MS4A1: variants seen among roughly 807,000 people sequenced by gnomAD.
MS4A1 encodes the protein membrane spanning 4-domains A1.
A neutral mutation model predicts 26.5 loss-of-function variants in MS4A1; 16 were observed. The observed-to-expected ratio is 0.60, with a 90% CI of 0.41 to 0.92. The LOEUF (loss-of-function observed/expected upper bound fraction) is 0.92. Among genes scored for constraint, MS4A1 ranks in the 40% least tolerant of loss-of-function variants. The pLI, the probability that MS4A1 is intolerant of heterozygous loss-of-function variation, is 0.00. For missense variants in MS4A1, 350 were observed against 353.0 expected (o/e 0.99, Z 0.07); for synonymous variants, 128 against 117.6 (o/e 1.09, Z -0.57).
chr11:60,466,524 C>T, intron 6 of MS4A1: 1 of 328,912 alleles, frequency 3.0e-6, no homozygotes, highest in Non-Finnish European at 5.7e-6. Flanking sequence ...AGAAGAAATT[C>T]CTAAGATGTT....
At chr11:60,466,272 G>T in intron 6 of MS4A1, 115 bp downstream of exon 6, 1 of 881,968 alleles carries the variant, frequency 1.1e-6, no homozygotes, top group South Asian at 1.3e-5. Flanking sequence ...GTTACTGTCT[G>T]TGTGGCTTTG....
intron 2 of MS4A1, among the ~76,000 whole-genome samples, chr11:60,461,701 G>A (rs2086249526): frequency 6.6e-6 from 1 of 151,616 alleles, no homozygotes; most frequent in Admixed American, 6.7e-5. Context: ...TGTATTTGTA[G>A]TAGAGATGGG....
chr11:60,462,441 A>G lies in MS4A1; in HGVS notation c.67A>G (p.Met23Val), dbSNP rs1204983091. Residue 23 changes from methionine to valine, a missense_variant, in exon 3 of 8, where the codon ATG (methionine) becomes GTG (valine). By Grantham distance (21) the Met-to-Val change is conservative (BLOSUM62 1). Coordinates refer to ENST00000345732, the MANE Select transcript of MS4A1 (RefSeq NM_152866.3). ...AGAGCCAATGAAAGGCCCTATTGCT[A>G]TGCAATCTGGTCCAAAACCACTCTT... ...PAEPMKGPIA[M>V]QSGPKPLFRR... The G allele has an allele frequency of 2.5e-6, 4 of 1,614,100 alleles. No individual in the cohort carries two copies. Among genetic ancestry groups the G allele is most frequent in the Non-Finnish European group, 3.4e-6 (4 of 1,180,040 alleles).
intron 1 of MS4A1, among the ~76,000 whole-genome samples, chr11:60,460,227 C>A (rs1471651113): frequency 6.6e-6 from 1 of 152,130 alleles, no homozygotes; most frequent in Non-Finnish European, 1.5e-5. Flanking sequence ...GCCTGGGCGA[C>A]AGAGCGAGGC....
At chr11:60,460,949 G>T (rs1336063206) in intron 1 of MS4A1, 123 bp from the exon 2 acceptor site, 1 of 151,814 alleles carries the variant, frequency 6.6e-6, no homozygotes, top group Admixed American at 6.7e-5. Context: ...CTAATGCTCA[G>T]CAAAGTACAA....
chr11:60,460,955 T>C (rs1256375446), intron 1 of MS4A1, 117 bp from the exon 2 acceptor site: 1 of 151,872 alleles, frequency 6.6e-6, no homozygotes, highest in Non-Finnish European at 1.5e-5. Context: ...CTCAGCAAAG[T>C]ACAAAGAACA....
rs1347717186 is a variant in MS4A1 at position 60,468,487 on chromosome 11, T to G, written c.*19T>G. 1.2e-6 allele frequency: 2 copies of G among 1,610,408 alleles called. No individual in the cohort carries two copies. The highest frequency in any genetic ancestry group is 1.7e-6 in the Non-Finnish European group (2 of 1,176,904). On this transcript the variant is annotated 3_prime_UTR_variant, in exon 8 of 8. Transcript: ENST00000345732. ...TCCTTAAGTGATTTCTTCTGTTTTCTGTTTCCTTTTTTAAACATTAGTGTT... is the reference window on the plus strand; with the variant it reads ...TCCTTAAGTGATTTCTTCTGTTTTCGGTTTCCTTTTTTAAACATTAGTGTT...
chr11:60,462,909 C>A, intron 3 of MS4A1, 93 bp from the exon 4 acceptor site: 1 of 1,582,800 alleles, frequency 6.3e-7, no homozygotes, highest in South Asian at 1.1e-5. Flanking sequence ...TTCCTCACAG[C>A]TCCAAGTCAG....
chr11:60,462,472 G>T lies in MS4A1; in HGVS notation c.98G>T (p.Arg33Met), dbSNP rs747239876. ...MQSGPKPLFR[R>M]MSSLVGPTQS... is the part of the protein sequence containing the mutation. ...TCTGGTCCAAAACCACTCTTCAGGA[G>T]GATGTCTTCACTGGTGGGCCCCACG... The change falls in exon 3 of 8, where the codon AGG becomes ATG. Residue 33 changes from arginine to methionine, a missense_variant. Physicochemically the swap from Arg to Met is moderately conservative, Grantham distance 91. Transcript: ENST00000345732. 6.2e-7 allele frequency: 1 copy of T among 1,614,204 alleles called. No individual in the cohort carries two copies. Among genetic ancestry groups the T allele is most frequent in the Admixed American group, 1.7e-5 (1 of 60,022 alleles).
rs201555882 is a variant in MS4A1 at position 60,470,351 on chromosome 11, A to G, written c.*1883A>G. 46 of 151,986 alleles carry G rather than the reference A, an allele frequency of 3.0e-4. No homozygotes were observed. The highest frequency in any genetic ancestry group is 1.1e-3 in the African/African-American group (45 of 41,426). The allele number at this position is 151,986 out of a possible 1,614,324, so 9.4% of individuals were successfully genotyped here. A position where few individuals can be genotyped will look rare whatever the true frequency, so the allele number is the denominator to read the frequency against. On this transcript the variant is annotated 3_prime_UTR_variant, in exon 8 of 8. Coordinates refer to ENST00000345732, the MANE Select transcript of MS4A1 (RefSeq NM_152866.3). The stretch of plus-strand genomic sequence containing the variant: ...GGAGCAGGCCTGAGAAAAAAATGAA[A>G]GTCAGAAATCTTTAAAAAAATACAA...
chr11:60,463,206 G>A, intron 4 of MS4A1, 85 bp downstream of exon 4: 1 of 1,567,680 alleles, frequency 6.4e-7, no homozygotes, highest in Non-Finnish European at 8.8e-7. Context: ...GATTATTTCT[G>A]TGTTGAGGGA....
intron 6 of MS4A1, chr11:60,466,752 C>G (rs1408909840): frequency 1.7e-6 from 1 of 601,246 alleles, no homozygotes; most frequent in Non-Finnish European, 3.0e-6. Flanking sequence ...ACACATTAAC[C>G]ATCTGTTGTG....
intron 4 of MS4A1, 129 bp from the exon 5 acceptor site, chr11:60,464,159 G>A: frequency 5.7e-6 from 4 of 698,030 alleles, no homozygotes; most frequent in Non-Finnish European, 5.2e-6. Flanking sequence ...GTGGATGGTT[G>A]TGTGAAAGTT....
intron 2 of MS4A1, 47 bp downstream of exon 2, chr11:60,461,207 T>C (rs778850856): frequency 6.6e-6 from 1 of 151,712 alleles, no homozygotes; most frequent in Non-Finnish European, 1.5e-5. Flanking sequence ...AAGATAGGAT[T>C]TTGTAAAAGA....
chr11:60,460,775 T>C lies in MS4A1; in HGVS notation c.-279-297T>C, dbSNP rs543508832. 2.7e-5 allele frequency among the ~76,000 whole-genome samples: 4 copies of C among 149,278 alleles called. No individual in the cohort carries two copies. The East Asian group carries it at 8.3e-4, about 31-fold the overall frequency. ...AATGTCTGAGCTGGAAAGGGCCGTATTAATTGCCTTCTCACTTCAGAAATG... is the reference window on the plus strand; with the variant it reads ...AATGTCTGAGCTGGAAAGGGCCGTACTAATTGCCTTCTCACTTCAGAAATG... On this transcript the variant is annotated intron_variant, in intron 1 of 7. Coordinates refer to ENST00000345732, the MANE Select transcript of MS4A1 (RefSeq NM_152866.3).
intron 5 of MS4A1, 120 bp downstream of exon 5, chr11:60,464,464 C>G: frequency 1.2e-6 from 1 of 815,542 alleles, no homozygotes. Context: ...AAAGCAAAGA[C>G]CCTCCACAAT....
chr11:60,464,438 A>G, intron 5 of MS4A1, 94 bp downstream of exon 5: 1 of 1,055,892 alleles, frequency 9.5e-7, no homozygotes, highest in Non-Finnish European at 1.5e-6. Context: ...AAGGTATCAC[A>G]GCCTCTCAGC....
intron 3 of MS4A1, among the ~76,000 whole-genome samples, 174 bp from the exon 4 acceptor site, chr11:60,462,828 T>C (rs527448497): frequency 5.7e-4 from 87 of 152,294 alleles, no homozygotes; most frequent in South Asian, 3.3e-3. Context: ...AAATGCCCCA[T>C]GTGGTTGAGG....
chr11:60,463,115 C>T lies in MS4A1; in HGVS notation c.273C>T (p.Gly91=). The part of the protein sequence containing the change: ...CVTVWYPLWG[G]IMYIISGSLL... ...CTGTGTGGTACCCTCTCTGGGGAGG[C>T]ATTATGGTGAGTAAAAGAATAGCAG... The change falls in exon 4 of 8, where the codon GGC becomes GGT. Residue 91 remains glycine (G), a synonymous_variant. Transcript: ENST00000345732. 12 of 1,614,092 alleles carry T rather than the reference C, an allele frequency of 7.4e-6. No individual in the cohort carries two copies. Among genetic ancestry groups the T allele is most frequent in the Non-Finnish European group, 1.0e-5 (12 of 1,180,024 alleles).
Sources: allele counts gnomAD v4.1 joint callset (sites outside exome capture counted in the v4.1 genomes callset), GRCh38; gene constraint gnomAD v4.1.1; transcripts MANE v1.5; gene names NCBI Gene and HGNC (gene_info 2026-07-23, HGNC 2026-07-21).